The following NPAS3 variants were observed in gnomAD, a reference collection of about 807,000 sequenced individuals.
The protein encoded by NPAS3 is neuronal PAS domain protein 3, also known as neuronal PAS domain-containing protein 3.
NPAS3 carries 14 observed loss-of-function variants against 73.1 expected under a neutral mutation model. That is an observed-to-expected ratio of 0.19 (90% CI 0.13 to 0.30). The LOEUF (loss-of-function observed/expected upper bound fraction) is 0.30, where lower values mean the gene tolerates loss of function less well. Among genes scored for constraint, NPAS3 ranks in the 10% least tolerant of loss-of-function variants. NPAS3 has a pLI of 1.00. For missense variants in NPAS3, 1,096 were observed against 1,250.0 expected, an observed-to-expected ratio of 0.88 and a Z score of 1.86; for synonymous variants, 620 against 541.5, an observed-to-expected ratio of 1.14 and a Z score of -2.01.
intron 3 of NPAS3, among the ~76,000 whole-genome samples, chr14:33,257,229 T>G (rs886080097): frequency 6.6e-6 from 1 of 152,186 alleles, no homozygotes; most frequent in Non-Finnish European, 1.5e-5. Flanking sequence ...GGCTTCCTGC[T>G]TGCATGTCTG....
chr14:33,052,343 C>G (rs991035754), intron 1 of NPAS3, among the ~76,000 whole-genome samples: 1 of 152,030 alleles, frequency 6.6e-6, no homozygotes, highest in African/African-American at 2.4e-5. Flanking sequence ...AAATAACTAC[C>G]CTACCACCCC....
At chr14:33,420,024 G>A (rs558784139) in intron 4 of NPAS3, among the ~76,000 whole-genome samples, 3 of 151,926 alleles carry the variant, frequency 2.0e-5, no homozygotes, top group South Asian at 2.1e-4. Flanking sequence ...CTGAAACACC[G>A]GACTGGAGGC....
At chr14:33,110,426 C>T (rs1227134589) in intron 2 of NPAS3, among the ~76,000 whole-genome samples, 1 of 152,150 alleles carries the variant, frequency 6.6e-6, no homozygotes, top group Non-Finnish European at 1.5e-5. Flanking sequence ...TACAATAGGA[C>T]TTCTTAAAGC....
chr14:33,429,359 T>C (rs1231459685), intron 4 of NPAS3, among the ~76,000 whole-genome samples: 1 of 151,984 alleles, frequency 6.6e-6, no homozygotes, highest in East Asian at 1.9e-4. Context: ...CTATGCTATC[T>C]CTTGGATCTT....
chr14:33,218,807 G>T (rs1471855260), intron 3 of NPAS3, among the ~76,000 whole-genome samples: 1 of 152,108 alleles, frequency 6.6e-6, no homozygotes, highest in East Asian at 1.9e-4. Flanking sequence ...CTTCAGAAAG[G>T]TCCTTTACTG....
intron 1 of NPAS3, among the ~76,000 whole-genome samples, chr14:33,002,183 A>G (rs1245872805): frequency 6.6e-6 from 1 of 152,134 alleles, no homozygotes; most frequent in Non-Finnish European, 1.5e-5. Flanking sequence ...GTTTGTGTGC[A>G]TGTTTTGTTT....
At chr14:33,358,469 T>C (rs2045443089) in intron 3 of NPAS3, among the ~76,000 whole-genome samples, 1 of 152,118 alleles carries the variant, frequency 6.6e-6, no homozygotes, top group Non-Finnish European at 1.5e-5. Context: ...GCTTTTGCCC[T>C]TGCCTTCATG....
intron 3 of NPAS3, among the ~76,000 whole-genome samples, chr14:33,348,593 G>A (rs925583119): frequency 1.3e-5 from 2 of 152,084 alleles, no homozygotes. Flanking sequence ...TTTTGAAAAT[G>A]TATCCAGTTT....
At position 33,801,100 on chromosome 14, in the gene NPAS3, G is replaced by A; in HGVS notation, c.2793G>A (p.Lys931=). ...ACGCGGCACAGACTCTGGAGCGCAAGGAGGACTGAGGCGCCGCCCGTCCTG... is the reference window on the plus strand; with the variant it reads ...ACGCGGCACAGACTCTGGAGCGCAAAGAGGACTGAGGCGCCGCCCGTCCTG... Residue 931 remains lysine, a synonymous_variant, in exon 12 of 12, where the codon AAG becomes AAA. Coordinates refer to ENST00000356141, the Ensembl canonical transcript of NPAS3. The A allele has an allele frequency of 1.9e-6, 3 of 1,583,474 alleles. No individual in the cohort carries two copies. The South Asian group carries it at 3.5e-5, about 18-fold the overall frequency.
chr14:33,297,188 T>A (rs2042338135), intron 3 of NPAS3, among the ~76,000 whole-genome samples: 1 of 150,922 alleles, frequency 6.6e-6, no homozygotes. Flanking sequence ...AGCTCTGCCA[T>A]TTACTGGGAA....
At chr14:33,568,568 G>T (rs2056073304) in intron 5 of NPAS3, among the ~76,000 whole-genome samples, 1 of 152,102 alleles carries the variant, frequency 6.6e-6, no homozygotes, top group Non-Finnish European at 1.5e-5. Flanking sequence ...AATGCAAACT[G>T]CTCATATGAA....
chr14:33,040,186 G>A (rs1369222326), intron 1 of NPAS3, among the ~76,000 whole-genome samples: 5 of 152,052 alleles, frequency 3.3e-5, no homozygotes, highest in African/African-American at 4.8e-5. Flanking sequence ...TAACTGAATC[G>A]GGGGAAACAG....
chr14:33,470,443 G>A (rs78644879), intron 4 of NPAS3, among the ~76,000 whole-genome samples: 1,602 of 152,252 alleles, frequency 0.011, 29 homozygotes, highest in African/African-American at 0.037. Flanking sequence ...TAATAATAGG[G>A]TCCGTATTGA....
chr14:33,335,118 G>C (rs924886969), intron 3 of NPAS3, among the ~76,000 whole-genome samples: 4 of 151,420 alleles, frequency 2.6e-5, no homozygotes, highest in African/African-American at 9.7e-5. Flanking sequence ...ACTTGGGCTG[G>C]TTCCATGTTT....
intron 7 of NPAS3, among the ~76,000 whole-genome samples, chr14:33,743,602 C>T (rs2061708678): frequency 6.6e-6 from 1 of 152,174 alleles, no homozygotes; most frequent in African/African-American, 2.4e-5. Context: ...CTTAAAGTCA[C>T]CAGCTTCATT....
chr14:33,639,022 T>C (rs1366590441), intron 5 of NPAS3, among the ~76,000 whole-genome samples: 3 of 152,204 alleles, frequency 2.0e-5, no homozygotes, highest in African/African-American at 7.2e-5. Context: ...CAGACTTGTG[T>C]CCAAGGCCCA....
intron 3 of NPAS3, among the ~76,000 whole-genome samples, chr14:33,224,950 C>T (rs550527463): frequency 1.6e-4 from 24 of 152,100 alleles, no homozygotes; most frequent in Non-Finnish European, 2.8e-4. Flanking sequence ...AAAAGTGTTT[C>T]AAAATAAAAA....
rs150440217 is a variant in NPAS3, at chr14:33,200,564, C to T, written c.141-14618C>T. 3.6e-3 allele frequency among the ~76,000 whole-genome samples: 510 copies of T among 141,758 alleles called. 1 individual carries two copies. The highest frequency in any genetic ancestry group is 6.9e-3 in the Non-Finnish European group (418 of 60,368). 93.0% of individuals were successfully genotyped at this position (141,758 alleles called of 152,430 possible). A position where few individuals can be genotyped will look rare whatever the true frequency, so the allele number is the denominator to read the frequency against. ...TACTCCCAGCAAAGGTTATTATTGG[C>T]ACTAAACCACAGGTTGCTAATTGCC... is the stretch of plus-strand genomic sequence containing the variant. On this transcript the variant is annotated intron_variant, in intron 2 of 11. Coordinates refer to ENST00000356141, the Ensembl canonical transcript of NPAS3.
chr14:33,140,523 A>G (rs2044006987), intron 2 of NPAS3, among the ~76,000 whole-genome samples: 1 of 152,082 alleles, frequency 6.6e-6, no homozygotes, highest in African/African-American at 2.4e-5. Context: ...TGTTGGCAGT[A>G]TTTATCTCTG....
Sources: gnomAD v4.1 joint callset for allele counts (sites outside exome capture counted in the v4.1 genomes callset) on GRCh38, gnomAD v4.1.1 for gene constraint, MANE v1.5 for transcripts, NCBI Gene and HGNC (gene_info 2026-07-23, HGNC 2026-07-21) for gene names.